Variants in SSBP2 observed in about 807,000 individuals in gnomAD.
SSBP2 encodes the protein single stranded DNA binding protein 2.
A neutral mutation model predicts 61.8 loss-of-function variants in SSBP2; 17 were observed. The observed-to-expected ratio is 0.28, with a 90% CI of 0.19 to 0.41. The LOEUF is 0.41. Among genes scored for constraint, SSBP2 ranks in the 10% least tolerant of loss-of-function variants. The probability of loss-of-function intolerance (pLI) is 1.00; values close to 1 mark genes in which losing one functional copy is unlikely to be tolerated. For missense variants in SSBP2, 310 were observed against 458.7 expected (o/e 0.68, Z 2.96); for synonymous variants, 139 against 141.3 (o/e 0.98, Z 0.12).
chr5:81,430,988 T>G (rs575059916), intron 15 of SSBP2, among the ~76,000 whole-genome samples: 1 of 152,274 alleles, frequency 6.6e-6, no homozygotes, highest in Non-Finnish European at 1.5e-5. Flanking sequence ...CTGTCCGTAA[T>G]CGCTGAGTGA....
intron 1 of SSBP2, among the ~76,000 whole-genome samples, chr5:81,655,307 T>C (rs1750118222): frequency 6.6e-6 from 1 of 152,214 alleles, no homozygotes; most frequent in Non-Finnish European, 1.5e-5. Flanking sequence ...ATTTAAGTAC[T>C]TTATTAAAAT....
rs150481822 is a variant in SSBP2 at position 81,514,671 on chromosome 5, G to A, written c.283-954C>T. Among the ~76,000 whole-genome samples, 395 of 151,892 alleles carry A rather than the reference G, an allele frequency of 2.6e-3. 1 individual carries two copies. The highest frequency in any genetic ancestry group is 9.0e-3 in the African/African-American group (372 of 41,494). Reference sequence around the variant, plus strand: ...CTCTTGTATCTAGTGTATCTGTTGCGCTATCTTCACCTATATTTCAGTGTA... The same window carrying A: ...CTCTTGTATCTAGTGTATCTGTTGCACTATCTTCACCTATATTTCAGTGTA... On this transcript the variant is annotated intron_variant, in intron 4 of 16. Coordinates refer to ENST00000320672, the MANE Select transcript of SSBP2 (RefSeq NM_012446.5).
intron 4 of SSBP2, among the ~76,000 whole-genome samples, chr5:81,537,155 C>A (rs1322648242): frequency 1.3e-5 from 2 of 152,138 alleles, no homozygotes; most frequent in African/African-American, 4.8e-5. Context: ...GTGCTCTGAT[C>A]TCACTGGGCT....
chr5:81,745,378 C>T (rs77817752), intron 1 of SSBP2, among the ~76,000 whole-genome samples: 1,837 of 152,164 alleles, frequency 0.012, 46 homozygotes, highest in African/African-American at 0.042. Flanking sequence ...TGAATACATG[C>T]TACATTTGTA....
intron 10 of SSBP2, among the ~76,000 whole-genome samples, 197 bp downstream of exon 10, chr5:81,460,858 C>CTTGA (rs926796314): frequency 2.4e-4 from 37 of 151,618 alleles, no homozygotes; most frequent in African/African-American, 8.5e-4. Flanking sequence ...TACATTAGAC[C>CTTGA]TTGAAGTGAA....
chr5:81,582,655 G>A (rs6452421), intron 4 of SSBP2, among the ~76,000 whole-genome samples: 2,927 of 152,106 alleles, frequency 0.019, 113 homozygotes, highest in African/African-American at 0.067. Flanking sequence ...GTGCAGTGGT[G>A]CAATCTTGGC....
chr5:81,595,249 G>C (rs1012836397), intron 4 of SSBP2, among the ~76,000 whole-genome samples: 1 of 152,076 alleles, frequency 6.6e-6, no homozygotes, highest in Non-Finnish European at 1.5e-5. Context: ...AGAAGAAATG[G>C]ATAAATTCCT....
intron 1 of SSBP2, among the ~76,000 whole-genome samples, chr5:81,738,016 C>T (rs1756739219): frequency 6.6e-6 from 1 of 152,154 alleles, no homozygotes; most frequent in Non-Finnish European, 1.5e-5. Context: ...CTCTGATTTC[C>T]TCACACTTTC....
intron 11 of SSBP2, chr5:81,448,031 T>C (rs1434332320): frequency 1.3e-5 from 2 of 152,132 alleles, no homozygotes; most frequent in African/African-American, 2.4e-5. Flanking sequence ...GTTCTTTTTT[T>C]CCCCTCCAGC....
At chr5:81,723,005 T>C (rs1755636739) in intron 1 of SSBP2, among the ~76,000 whole-genome samples, 1 of 152,012 alleles carries the variant, frequency 6.6e-6, no homozygotes, top group Non-Finnish European at 1.5e-5. Flanking sequence ...TAATTATTTA[T>C]ACATATATTC....
intron 1 of SSBP2, among the ~76,000 whole-genome samples, chr5:81,742,266 A>G (rs559414966): frequency 6.6e-6 from 1 of 152,362 alleles, no homozygotes; most frequent in South Asian, 2.1e-4. Flanking sequence ...TACACACATC[A>G]TAATATAATC....
At chr5:81,640,289 G>A (rs541813218) in intron 2 of SSBP2, among the ~76,000 whole-genome samples, 11 of 152,190 alleles carry the variant, frequency 7.2e-5, no homozygotes, top group East Asian at 3.9e-4. Flanking sequence ...GCAGTGAGCC[G>A]AGATAGCACC....
chr5:81,498,331 T>C (rs1384321638), intron 5 of SSBP2, among the ~76,000 whole-genome samples: 1 of 152,106 alleles, frequency 6.6e-6, no homozygotes, highest in African/African-American at 2.4e-5. Flanking sequence ...TCAGTAATTA[T>C]ATTAACTACG....
At chr5:81,650,179 A>G in intron 2 of SSBP2, 88 bp downstream of exon 2, 2 of 939,876 alleles carry the variant, frequency 2.1e-6, no homozygotes, top group Non-Finnish European at 3.2e-6. Flanking sequence ...ATAATACATA[A>G]CAAACTTTTT....
intron 1 of SSBP2, among the ~76,000 whole-genome samples, chr5:81,720,171 TTC>T (rs1755453095): frequency 6.6e-6 from 1 of 152,208 alleles, no homozygotes; most frequent in Non-Finnish European, 1.5e-5. Flanking sequence ...AGATTTTTAC[TTC>T]TTTTATAAAC....
At chr5:81,532,445 C>T (rs1770489631) in intron 4 of SSBP2, among the ~76,000 whole-genome samples, 2 of 150,248 alleles carry the variant, frequency 1.3e-5, no homozygotes, top group Non-Finnish European at 3.0e-5. Context: ...ACAATAAAGA[C>T]GTATACCTAA....
chr5:81,669,061 C>G (rs1254526705), intron 1 of SSBP2, among the ~76,000 whole-genome samples: 1 of 152,044 alleles, frequency 6.6e-6, no homozygotes, highest in African/African-American at 2.4e-5. Context: ...TGGAAGTAGC[C>G]TGTATGTTCA....
At chr5:81,466,648 T>C (rs1239907744) in intron 9 of SSBP2, among the ~76,000 whole-genome samples, 3 of 151,952 alleles carry the variant, frequency 2.0e-5, no homozygotes, top group Non-Finnish European at 2.9e-5. Flanking sequence ...ATATTTTATA[T>C]ACTATATGGA....
chr5:81,592,438 C>G (rs1224183347), intron 4 of SSBP2, among the ~76,000 whole-genome samples: 4 of 152,226 alleles, frequency 2.6e-5, no homozygotes, highest in Non-Finnish European at 5.9e-5. Flanking sequence ...AACAAAAAGG[C>G]AGCAGTAACC....
Sources: allele counts gnomAD v4.1 joint callset (sites outside exome capture counted in the v4.1 genomes callset), GRCh38; gene constraint gnomAD v4.1.1; transcripts MANE v1.5; gene names NCBI Gene and HGNC (gene_info 2026-07-23, HGNC 2026-07-21).